LYPD6B: variants seen among roughly 807,000 people sequenced by gnomAD.
LYPD6B encodes ly6/PLAUR domain-containing protein 6B.
A neutral mutation model predicts 22.8 loss-of-function variants in LYPD6B; 17 were observed. That is an observed-to-expected ratio of 0.75 (90% CI 0.51 to 1.12). The LOEUF (loss-of-function observed/expected upper bound fraction) is 1.12. Among genes scored for constraint, LYPD6B ranks in the 50% most tolerant of loss-of-function variants. LYPD6B has a pLI of 0.00. For missense variants in LYPD6B, 221 were observed against 258.3 expected, an observed-to-expected ratio of 0.86 and a Z score of 0.99; for synonymous variants, 106 against 91.6, an observed-to-expected ratio of 1.16 and a Z score of -0.90.
intron 4 of LYPD6B, among the ~76,000 whole-genome samples, chr2:149,208,019 T>C (rs903626592): frequency 6.6e-6 from 1 of 152,100 alleles, no homozygotes; most frequent in African/African-American, 2.4e-5. Flanking sequence ...CCCCTACTTA[T>C]TCCCAAATTA....
chr2:149,154,846 A>G (rs562988600), intron 2 of LYPD6B, among the ~76,000 whole-genome samples: 1 of 152,298 alleles, frequency 6.6e-6, no homozygotes, highest in South Asian at 2.1e-4. Flanking sequence ...TATGCTAGGG[A>G]CCGAAAGAGA....
At chr2:149,179,541 T>G (rs1559057476) in intron 3 of LYPD6B, among the ~76,000 whole-genome samples, 1 of 152,264 alleles carries the variant, frequency 6.6e-6, no homozygotes, top group Admixed American at 6.5e-5. Context: ...TATTTCTAAC[T>G]GGGATGTTTC....
chr2:149,156,044 G>T (rs559939660), intron 2 of LYPD6B, among the ~76,000 whole-genome samples: 19 of 152,278 alleles, frequency 1.2e-4, no homozygotes, highest in Non-Finnish European at 2.1e-4. Context: ...ATTGTGATTG[G>T]TTAAGGCATC....
At chr2:149,052,408 A>C (rs1449661086) in intron 1 of LYPD6B, among the ~76,000 whole-genome samples, 1 of 152,176 alleles carries the variant, frequency 6.6e-6, no homozygotes. Flanking sequence ...GCTATGGCCA[A>C]ATGAGGAGGT....
chr2:149,067,423 A>G (rs1358186060), intron 1 of LYPD6B, among the ~76,000 whole-genome samples: 1 of 152,148 alleles, frequency 6.6e-6, no homozygotes, highest in African/African-American at 2.4e-5. Context: ...TTATAAATTA[A>G]TACATGCTAT....
chr2:149,061,458 T>G (rs778542609), intron 1 of LYPD6B, among the ~76,000 whole-genome samples: 1 of 152,216 alleles, frequency 6.6e-6, no homozygotes, highest in Non-Finnish European at 1.5e-5. Flanking sequence ...GGTGGATTCC[T>G]TGGGGTTTTC....
At chr2:149,088,107 A>ACCT (rs1178605170) in intron 1 of LYPD6B, among the ~76,000 whole-genome samples, 2 of 102,660 alleles carry the variant, frequency 1.9e-5, no homozygotes, top group South Asian at 3.2e-4. Context: ...CCCCCACCCA[A>ACCT]CTTTATGTCC....
At chr2:149,206,248 A>G in intron 4 of LYPD6B, 2 of 245,536 alleles carry the variant, frequency 8.1e-6, no homozygotes, top group Non-Finnish European at 1.7e-5. Context: ...TTTTTTAAGA[A>G]GCTCTTCTGA....
chr2:149,041,012 C>T (rs1683055687), intron 1 of LYPD6B, among the ~76,000 whole-genome samples: 1 of 150,016 alleles, frequency 6.7e-6, no homozygotes, highest in Non-Finnish European at 1.5e-5. Flanking sequence ...TGTCTGGGGA[C>T]GTAGTGAAGA....
chr2:149,084,175 C>T lies in LYPD6B; in HGVS notation c.-67+45374C>T, dbSNP rs1212231786. On this transcript the variant is annotated intron_variant, in intron 1 of 6. Transcript: ENST00000409642. Reference sequence around the variant, plus strand: ...TTGTGGGGTGATATTTTGCAAAGTGCAAATATGCTGTTTCCCAACAACTTT... The same window carrying T: ...TTGTGGGGTGATATTTTGCAAAGTGTAAATATGCTGTTTCCCAACAACTTT... 2.0e-5 allele frequency among the ~76,000 whole-genome samples: 3 copies of T among 152,138 alleles called. No individual in the cohort carries two copies. In the East Asian group the frequency reaches 5.8e-4, roughly 29 times the overall value.
intron 2 of LYPD6B, among the ~76,000 whole-genome samples, chr2:149,148,283 C>A (rs1689161131): frequency 6.6e-6 from 1 of 152,128 alleles, no homozygotes; most frequent in Non-Finnish European, 1.5e-5. Context: ...AAATGCAGGA[C>A]TTCACAGTTG....
intron 1 of LYPD6B, among the ~76,000 whole-genome samples, chr2:149,124,844 C>T (rs150703965): frequency 2.0e-4 from 30 of 152,216 alleles, no homozygotes; most frequent in African/African-American, 6.0e-4. Context: ...TCCCACCTCC[C>T]GCTCCCTGTA....
At chr2:149,054,236 T>A (rs1683689349) in intron 1 of LYPD6B, among the ~76,000 whole-genome samples, 1 of 152,206 alleles carries the variant, frequency 6.6e-6, no homozygotes, top group Non-Finnish European at 1.5e-5. Context: ...GGGTTCCAAT[T>A]TTTCCATATT....
chr2:149,197,779 C>A (rs1171308601), intron 3 of LYPD6B, among the ~76,000 whole-genome samples: 1 of 152,146 alleles, frequency 6.6e-6, no homozygotes, highest in Non-Finnish European at 1.5e-5. Flanking sequence ...TCTTTGCTAT[C>A]CTCTCATCCA....
At chr2:149,193,506 G>A (rs143624160) in intron 3 of LYPD6B, among the ~76,000 whole-genome samples, 39 of 152,192 alleles carry the variant, frequency 2.6e-4, no homozygotes, top group African/African-American at 8.9e-4. Flanking sequence ...AGTGAGGGTA[G>A]CAGGGAGTAG....
At chr2:149,200,990 T>C (rs957343393) in intron 3 of LYPD6B, among the ~76,000 whole-genome samples, 1 of 152,208 alleles carries the variant, frequency 6.6e-6, no homozygotes, top group African/African-American at 2.4e-5. Flanking sequence ...GAAAGATGGA[T>C]GAAGGTAATA....
At chr2:149,169,391 G>A (rs1404174656) in intron 3 of LYPD6B, among the ~76,000 whole-genome samples, 1 of 152,158 alleles carries the variant, frequency 6.6e-6, no homozygotes, top group African/African-American at 2.4e-5. Context: ...TGTTACTCTG[G>A]TAGTCTGATT....
intron 2 of LYPD6B, among the ~76,000 whole-genome samples, chr2:149,157,125 A>G (rs961301138): frequency 5.9e-5 from 9 of 152,120 alleles, no homozygotes; most frequent in Non-Finnish European, 1.3e-4. Flanking sequence ...TTTCATTCTG[A>G]GGGCTCCTGA....
chr2:149,192,003 A>G (rs1161590287), intron 3 of LYPD6B, among the ~76,000 whole-genome samples: 1 of 152,214 alleles, frequency 6.6e-6, no homozygotes, highest in African/African-American at 2.4e-5. Flanking sequence ...GGTCTAGGGT[A>G]GAGATGGCTG....
Sources: gnomAD v4.1 joint callset for allele counts (sites outside exome capture counted in the v4.1 genomes callset) on GRCh38, gnomAD v4.1.1 for gene constraint, MANE v1.5 for transcripts, NCBI Gene and HGNC (gene_info 2026-07-23, HGNC 2026-07-21) for gene names.